Variants in MICAL2 observed in about 807,000 individuals in gnomAD.
MICAL2 encodes microtubule associated monooxygenase, calponin and LIM domain containing 2, also known as [F-actin]-monooxygenase MICAL2.
MICAL2 carries 77 observed loss-of-function variants against 127.3 expected under a neutral mutation model. The observed-to-expected ratio is 0.60, with a 90% CI of 0.50 to 0.73. The LOEUF (loss-of-function observed/expected upper bound fraction) is 0.73. Among genes scored for constraint, MICAL2 ranks in the 30% least tolerant of loss-of-function variants. The probability of loss-of-function intolerance (pLI) is 0.00; values close to 1 mark genes in which losing one functional copy is unlikely to be tolerated. For synonymous variants in MICAL2, 570 were observed against 551.1 expected (o/e 1.03, Z -0.48); for missense variants, 1,351 against 1,434.4 (o/e 0.94, Z 0.94).
At chr11:12,345,131 A>AAAAAAAAAAAAG (rs1427548449) in intron 32 of MICAL2, among the ~76,000 whole-genome samples, 4 of 151,106 alleles carry the variant, frequency 2.6e-5, no homozygotes, top group African/African-American at 9.9e-5. Flanking sequence ...AAAAAAAGAA[A>AAAAAAAAAAAAG]AAAGAAAGAA....
chr11:12,213,140 G>C, intron 6 of MICAL2, 115 bp from the exon 7 acceptor site: 1 of 1,249,614 alleles, frequency 8.0e-7, no homozygotes, highest in East Asian at 2.4e-5. Context: ...TAGAGATCCA[G>C]AATCCTGGTT....
chr11:12,248,415 C>T (rs906752025), intron 21 of MICAL2, among the ~76,000 whole-genome samples: 7 of 152,234 alleles, frequency 4.6e-5, no homozygotes, highest in Non-Finnish European at 1.0e-4. Context: ...GTTACTTTCG[C>T]TCTTCCAGAA....
chr11:12,111,955 A>G (rs1849644107), intron 1 of MICAL2, among the ~76,000 whole-genome samples: 1 of 152,228 alleles, frequency 6.6e-6, no homozygotes, highest in African/African-American at 2.4e-5. Context: ...TTCTTCATGC[A>G]GAGAGAAGAC....
chr11:12,275,257 A>G (rs754888700), upstream of MICAL2, among the ~76,000 whole-genome samples: 1 of 152,190 alleles, frequency 6.6e-6, no homozygotes, highest in Non-Finnish European at 1.5e-5. Context: ...TGTGTCTGTT[A>G]GACACGTAGA....
chr11:12,350,073 T>C, intron 33 of MICAL2: 1 of 635,636 alleles, frequency 1.6e-6, no homozygotes. Context: ...AATTGATATT[T>C]TATGTCTTGC....
At chr11:12,180,463 A>C (rs536238338) in intron 3 of MICAL2, among the ~76,000 whole-genome samples, 1 of 152,010 alleles carries the variant, frequency 6.6e-6, no homozygotes, top group South Asian at 2.1e-4. Context: ...TCTTGTGCTG[A>C]AGGAAACTTC....
intron 1 of MICAL2, among the ~76,000 whole-genome samples, chr11:12,123,795 G>A (rs1850697653): frequency 6.6e-6 from 1 of 151,836 alleles, no homozygotes; most frequent in East Asian, 1.9e-4. Context: ...CCACAGTGTG[G>A]GTTCAGGATT....
intron 1 of MICAL2, among the ~76,000 whole-genome samples, chr11:12,129,363 G>A (rs187860112): frequency 3.3e-5 from 5 of 152,310 alleles, no homozygotes; most frequent in African/African-American, 9.6e-5. Flanking sequence ...CAGTTACCCT[G>A]TGCGGTTACT....
At chr11:12,346,628 T>C (rs1268482527) in intron 32 of MICAL2, among the ~76,000 whole-genome samples, 1 of 152,212 alleles carries the variant, frequency 6.6e-6, no homozygotes, top group African/African-American at 2.4e-5. Context: ...TCTGAGGCTT[T>C]CCCTCGCTTT....
chr11:12,180,349 A>ATATATATATATATATAT (rs11403732), intron 3 of MICAL2, among the ~76,000 whole-genome samples: 211 of 139,676 alleles, frequency 1.5e-3, no homozygotes, highest in Non-Finnish European at 2.5e-3. Flanking sequence ...ATATGTATAT[A>ATATATATATATATATAT]TTTTTTTTTT....
intron 1 of MICAL2, among the ~76,000 whole-genome samples, chr11:12,117,910 G>A (rs1850171476): frequency 6.6e-6 from 1 of 152,240 alleles, no homozygotes; most frequent in Admixed American, 6.5e-5. Flanking sequence ...CCCTCAGGGA[G>A]AGGATTCACT....
intron 1 of MICAL2, among the ~76,000 whole-genome samples, chr11:12,118,936 C>T (rs1263375559): frequency 1.3e-5 from 2 of 152,216 alleles, no homozygotes; most frequent in East Asian, 3.9e-4. Context: ...GTATGGAGTC[C>T]TCTGGATGGC....
chr11:12,120,144 C>T (rs1256332618), intron 1 of MICAL2, among the ~76,000 whole-genome samples: 4 of 152,194 alleles, frequency 2.6e-5, no homozygotes, highest in African/African-American at 9.7e-5. Context: ...TCATGAACAC[C>T]TCCCCCAGAG....
intron 29 of MICAL2, among the ~76,000 whole-genome samples, chr11:12,301,184 C>G (rs1780788395): frequency 6.6e-6 from 1 of 152,144 alleles, no homozygotes; most frequent in South Asian, 2.1e-4. Flanking sequence ...AAGACCAGCC[C>G]CCATGATTCA....
At chr11:12,358,177 G>A (rs1312803796) in intron 34 of MICAL2, 1 of 1,012,480 alleles carries the variant, frequency 9.9e-7, no homozygotes, top group African/African-American at 1.6e-5. Flanking sequence ...TCATTTCCTT[G>A]TTTTCTCCAT....
rs113318337 is a variant in MICAL2 at position 12,318,367 on chromosome 11, C to G, written c.5213-1329C>G. On this transcript the variant is annotated intron_variant, in intron 29 of 34. Coordinates refer to the MICAL2 transcript ENST00000646065. ...AACAATGCTTCCTCCCATTATTATACTGCTCTCTGATTCTATCTTTACCTG... is the reference window on the plus strand; with the variant it reads ...AACAATGCTTCCTCCCATTATTATAGTGCTCTCTGATTCTATCTTTACCTG... 2.3e-3 allele frequency among the ~76,000 whole-genome samples: 344 copies of G among 152,326 alleles called. 3 individuals are homozygous for G. The highest frequency in any genetic ancestry group is 8.0e-3 in the African/African-American group (332 of 41,566).
intron 3 of MICAL2, among the ~76,000 whole-genome samples, chr11:12,180,749 C>T (rs2133945452): frequency 8.1e-6 from 1 of 123,710 alleles, no homozygotes; most frequent in East Asian, 2.3e-4. Context: ...TGACAGTGTT[C>T]AAAACCAACA....
At chr11:12,157,854 G>A (rs1854361108) in intron 2 of MICAL2, among the ~76,000 whole-genome samples, 1 of 152,088 alleles carries the variant, frequency 6.6e-6, no homozygotes, top group Non-Finnish European at 1.5e-5. Flanking sequence ...TCCCAGCACT[G>A]TCCTGAATTC....
At chr11:12,227,952 C>A (rs1435097360) in intron 15 of MICAL2, among the ~76,000 whole-genome samples, 1 of 152,172 alleles carries the variant, frequency 6.6e-6, no homozygotes, top group African/African-American at 2.4e-5. Flanking sequence ...GCCTAAGGAG[C>A]AGTGACAGTT....
Sources: allele counts gnomAD v4.1 joint callset (sites outside exome capture counted in the v4.1 genomes callset), GRCh38; gene constraint gnomAD v4.1.1; transcripts MANE v1.5; gene names NCBI Gene and HGNC (gene_info 2026-07-23, HGNC 2026-07-21).